The following MYO5B variants were observed in gnomAD, a reference collection of about 807,000 sequenced individuals.
MYO5B encodes unconventional myosin-Vb.
In MYO5B, 143 loss-of-function variants were observed where a neutral mutation model predicts 229.3. The observed-to-expected ratio is 0.62, with a 90% CI of 0.54 to 0.72. MYO5B has a LOEUF of 0.72. MYO5B is among the 30% of genes least tolerant of loss of function. The pLI is 0.00. For synonymous variants in MYO5B, 918 were observed against 885.2 expected (o/e 1.04, Z -0.66); for missense variants, 2,321 against 2,331.0 (o/e 1.00, Z 0.09).
At chr18:50,164,063 C>T (rs2032808607) in intron 1 of MYO5B, among the ~76,000 whole-genome samples, 1 of 152,216 alleles carries the variant, frequency 6.6e-6, no homozygotes, top group Admixed American at 6.5e-5. Flanking sequence ...TGTCTCTTTT[C>T]TGCATAACAT....
intron 17 of MYO5B, among the ~76,000 whole-genome samples, chr18:49,923,865 T>G (rs1227490531): frequency 6.6e-6 from 1 of 152,186 alleles, no homozygotes; most frequent in Non-Finnish European, 1.5e-5. Flanking sequence ...CATGCTTCCC[T>G]TGTTTCTTCT....
At chr18:50,114,483 C>T (rs938944186) in intron 1 of MYO5B, among the ~76,000 whole-genome samples, 3 of 152,160 alleles carry the variant, frequency 2.0e-5, no homozygotes, top group African/African-American at 4.8e-5. Context: ...AGGTACAGCC[C>T]GGCTTCCCAG....
intron 2 of MYO5B, among the ~76,000 whole-genome samples, chr18:50,041,706 G>T (rs549256919): frequency 8.5e-5 from 13 of 152,208 alleles, no homozygotes; most frequent in African/African-American, 3.1e-4. Context: ...AAGTATTTGT[G>T]TAAGTTTTGG....
chr18:50,104,265 G>GATATAAATATATAT (rs1555659350), intron 1 of MYO5B, among the ~76,000 whole-genome samples: 1 of 134,572 alleles, frequency 7.4e-6, no homozygotes, highest in Non-Finnish European at 1.6e-5. Flanking sequence ...ATCTATACAT[G>GATATAAATATATAT]ATATATATAT....
At chr18:49,932,890 G>A (rs2025209697) in intron 16 of MYO5B, among the ~76,000 whole-genome samples, 1 of 152,132 alleles carries the variant, frequency 6.6e-6, no homozygotes, top group Non-Finnish European at 1.5e-5. Flanking sequence ...TAGGTGACTA[G>A]GAATGGAAAA....
In MYO5B at chr18:49,835,430, G is replaced by A. The variant is rs758118473; in HGVS notation, c.5314-6C>T. 6.2e-7 allele frequency: 1 copy of A among 1,605,302 alleles called. No individual in the cohort carries two copies. The highest frequency in any genetic ancestry group is 8.5e-7 in the Non-Finnish European group (1 of 1,172,238). ...AGGTTTAAAATTTTGACAATCTGTT[G>A]GGGATAAAAACGGAATTTAGCACAG... On this transcript the variant is annotated splice_polypyrimidine_tract_variant and splice_region_variant and intron_variant, in intron 38 of 39. Transcript: ENST00000285039.
chr18:50,006,011 G>T lies in MYO5B; in HGVS notation c.456-4600C>A, dbSNP rs558495632. ...TCGCCTTCTTTTGAAGTCAGTCCCA[G>T]TGAGGTCATTTCACCTGCCGTGTGA... On this transcript the variant is annotated intron_variant, in intron 4 of 39. Transcript: ENST00000285039. Among the ~76,000 whole-genome samples, 12 of 152,270 alleles carry T rather than the reference G, an allele frequency of 7.9e-5. No individual in the cohort carries two copies. In the South Asian group the frequency reaches 2.5e-3, roughly 32 times the overall value.
chr18:49,908,978 C>A (rs994714966), intron 18 of MYO5B, among the ~76,000 whole-genome samples: 1 of 152,238 alleles, frequency 6.6e-6, no homozygotes, highest in African/African-American at 2.4e-5. Context: ...GACAGCCTAA[C>A]GAAGCAGCCC....
intron 1 of MYO5B, among the ~76,000 whole-genome samples, chr18:50,173,260 A>G (rs538044348): frequency 3.3e-5 from 5 of 151,828 alleles, no homozygotes; most frequent in African/African-American, 1.2e-4. Context: ...GCAAGACTCC[A>G]AAAACAAAAA....
intron 27 of MYO5B, among the ~76,000 whole-genome samples, chr18:49,869,765 T>G (rs1031789257): frequency 2.0e-5 from 3 of 151,734 alleles, no homozygotes; most frequent in South Asian, 2.1e-4. Flanking sequence ...CAGGGCTTGT[T>G]AAAAGACAGA....
chr18:50,156,194 C>CA (rs2032675619), intron 1 of MYO5B, among the ~76,000 whole-genome samples: 1 of 152,150 alleles, frequency 6.6e-6, no homozygotes, highest in South Asian at 2.1e-4. Context: ...AGGGAACATC[C>CA]AGTATTTGCA....
intron 9 of MYO5B, among the ~76,000 whole-genome samples, chr18:49,975,342 C>T (rs1367474056): frequency 6.6e-6 from 1 of 152,134 alleles, no homozygotes; most frequent in Non-Finnish European, 1.5e-5. Context: ...GGGTGGGTAG[C>T]TTAAGTGAGA....
At chr18:50,025,726 C>T (rs1342406788) in intron 4 of MYO5B, among the ~76,000 whole-genome samples, 1 of 152,108 alleles carries the variant, frequency 6.6e-6, no homozygotes, top group African/African-American at 2.4e-5. Flanking sequence ...GGAATGGCCA[C>T]CTTCTCTCAT....
intron 1 of MYO5B, among the ~76,000 whole-genome samples, chr18:50,153,766 A>C (rs2032636802): frequency 6.6e-6 from 1 of 152,102 alleles, no homozygotes; most frequent in African/African-American, 2.4e-5. Flanking sequence ...TCTTTATGGA[A>C]ATAAAATCAA....
rs896093694 is a variant in MYO5B, at chr18:49,974,162, C to A, written c.1322+188G>T. Among the ~76,000 whole-genome samples the A allele has an allele frequency of 3.3e-5, 5 of 152,176 alleles. 1 individual carries two copies. The highest frequency in any genetic ancestry group is 3.3e-4 in the Admixed American group (5 of 15,290). ...GGGGACTGTTCCCTTACATTATAGACCACTAAGCCTCCCTGGCCTCAGGCC... is the reference window on the plus strand; with the variant it reads ...GGGGACTGTTCCCTTACATTATAGAACACTAAGCCTCCCTGGCCTCAGGCC... On this transcript the variant is annotated intron_variant, in intron 10 of 39. Coordinates refer to ENST00000285039, the MANE Select transcript of MYO5B (RefSeq NM_001080467.3).
chr18:49,989,487 A>G (rs562346513), intron 7 of MYO5B, among the ~76,000 whole-genome samples: 1 of 152,278 alleles, frequency 6.6e-6, no homozygotes, highest in East Asian at 1.9e-4. Context: ...GACAGGAAGC[A>G]TGGCAGGAAG....
chr18:49,867,038 GCT>G lies in MYO5B; in HGVS notation c.3604-2660_3604-2659del, dbSNP rs1417869521. On this transcript the variant is annotated intron_variant, in intron 27 of 39. Transcript: ENST00000285039. ...GCTGTCATGCAGAAGACAGAGCAGA[GCT>G]GGTGGGGGTCAAGAGATTCCAAAAT... is the stretch of plus-strand genomic sequence containing the variant. 4.2e-3 allele frequency among the ~76,000 whole-genome samples: 641 copies of G among 152,290 alleles called. 7 individuals are homozygous for G. The highest frequency in any genetic ancestry group is 0.013 in the African/African-American group (544 of 41,552).
intron 1 of MYO5B, among the ~76,000 whole-genome samples, chr18:50,132,490 C>T (rs1197570923): frequency 1.3e-5 from 2 of 152,182 alleles, no homozygotes; most frequent in African/African-American, 4.8e-5. Flanking sequence ...ATTAATAATG[C>T]TGATATATAA....
chr18:50,003,113 T>A (rs2026065664), intron 4 of MYO5B, among the ~76,000 whole-genome samples: 1 of 152,152 alleles, frequency 6.6e-6, no homozygotes, highest in Non-Finnish European at 1.5e-5. Flanking sequence ...GGCAGAGTCA[T>A]GAGGTAGCTG....
Sources: gnomAD v4.1 joint callset for allele counts (sites outside exome capture counted in the v4.1 genomes callset) on GRCh38, gnomAD v4.1.1 for gene constraint, MANE v1.5 for transcripts, NCBI Gene and HGNC (gene_info 2026-07-23, HGNC 2026-07-21) for gene names.